The following ELP4 variants were observed in gnomAD, a reference collection of about 807,000 sequenced individuals.
ELP4 encodes the protein elongator complex protein 4.
ELP4 carries 51 observed loss-of-function variants against 48.9 expected under a neutral mutation model. The observed-to-expected ratio is 1.04, with a 90% CI of 0.83 to 1.32. The LOEUF (loss-of-function observed/expected upper bound fraction) is 1.32. ELP4 is among the 40% of genes most tolerant of loss of function. ELP4 has a pLI of 0.00. For missense variants in ELP4, 519 were observed against 514.6 expected (o/e 1.01, Z -0.08); for synonymous variants, 210 against 189.2 (o/e 1.11, Z -0.90).
chr11:31,553,725 AAC>A (rs56921821), intron 3 of ELP4, among the ~76,000 whole-genome samples: 39,654 of 140,214 alleles, frequency 0.28, 5,311 homozygotes, highest in Middle Eastern at 0.4. Flanking sequence ...TGCACACACA[AAC>A]ACACACACAC....
At chr11:31,549,876 C>CT (rs1306325966) in intron 3 of ELP4, among the ~76,000 whole-genome samples, 1 of 152,114 alleles carries the variant, frequency 6.6e-6, no homozygotes, top group East Asian at 1.9e-4. Flanking sequence ...TCTCAGTAAT[C>CT]TATCGCAAGA....
intron 3 of ELP4, among the ~76,000 whole-genome samples, chr11:31,570,632 T>C (rs1957178496): frequency 6.6e-6 from 1 of 150,480 alleles, no homozygotes; most frequent in African/African-American, 2.5e-5. Context: ...CACACCCAAC[T>C]AATTTTTGTG....
chr11:31,729,525 A>G (rs891240298), intron 9 of ELP4, among the ~76,000 whole-genome samples: 1 of 152,236 alleles, frequency 6.6e-6, no homozygotes, highest in Non-Finnish European at 1.5e-5. Context: ...AGATCTCAAA[A>G]AAACATTTTT....
At chr11:31,573,845 G>A (rs771569412) in intron 3 of ELP4, among the ~76,000 whole-genome samples, 6 of 148,590 alleles carry the variant, frequency 4.0e-5, no homozygotes, top group South Asian at 2.1e-4. Context: ...TTCAATGTAC[G>A]GACCTGAGGA....
chr11:31,591,000 G>A (rs551840348), intron 3 of ELP4, among the ~76,000 whole-genome samples: 3 of 152,216 alleles, frequency 2.0e-5, no homozygotes, highest in Admixed American at 6.6e-5. Flanking sequence ...ATCAATGGAC[G>A]CTTCCAGTGT....
At chr11:31,754,762 C>G (rs998238971) in intron 9 of ELP4, among the ~76,000 whole-genome samples, 2 of 152,112 alleles carry the variant, frequency 1.3e-5, no homozygotes, top group Admixed American at 1.3e-4. Context: ...ATCCCAGCTA[C>G]TCAGGAGGGT....
chr11:31,613,645 C>T (rs1958021921), intron 5 of ELP4, among the ~76,000 whole-genome samples: 1 of 151,448 alleles, frequency 6.6e-6, no homozygotes, highest in East Asian at 1.9e-4. Flanking sequence ...GTGGTGGATT[C>T]CGGATAAGTT....
intron 9 of ELP4, among the ~76,000 whole-genome samples, chr11:31,736,803 C>T (rs902219316): frequency 5.3e-5 from 8 of 152,010 alleles, no homozygotes; most frequent in African/African-American, 1.2e-4. Context: ...GTTAGAATGG[C>T]GGTCATTAAA....
chr11:31,697,068 C>T (rs1249827353), intron 9 of ELP4, among the ~76,000 whole-genome samples: 1 of 151,960 alleles, frequency 6.6e-6, no homozygotes, highest in African/African-American at 2.4e-5. Flanking sequence ...CAAAGAAGGC[C>T]ATTACATAAT....
intron 3 of ELP4, among the ~76,000 whole-genome samples, chr11:31,564,154 A>G (rs1957066584): frequency 6.6e-6 from 1 of 152,150 alleles, no homozygotes; most frequent in South Asian, 2.1e-4. Context: ...TAGTACTTCC[A>G]AATATAATAA....
At chr11:31,536,346 G>A (rs1489873521) in intron 2 of ELP4, among the ~76,000 whole-genome samples, 1 of 151,972 alleles carries the variant, frequency 6.6e-6, no homozygotes, top group East Asian at 1.9e-4. Context: ...AACTGTTTTT[G>A]TTTTGTTTTG....
chr11:31,781,143 C>T (rs1948364606), intron 9 of ELP4, among the ~76,000 whole-genome samples: 1 of 152,150 alleles, frequency 6.6e-6, no homozygotes, highest in African/African-American at 2.4e-5. Flanking sequence ...CTTTCAGAAT[C>T]CCTTGCTGCA....
rs1369977764 is a variant in ELP4 at position 31,672,034 on chromosome 11, G to A, written c.1143+21813G>A. Among the ~76,000 whole-genome samples, 3 of 152,010 alleles carry A rather than the reference G, an allele frequency of 2.0e-5. No homozygotes were observed. The East Asian group carries it at 5.8e-4, about 30-fold the overall frequency. On this transcript the variant is annotated intron_variant, in intron 9 of 9. Coordinates refer to ENST00000640961, the MANE Select transcript of ELP4 (RefSeq NM_019040.5). ...TAGTGTTCATTTTTGTTTTTCTGGG[G>A]GGAGCTTAGAAGGTCGATGAGGGGG...
In ELP4 at chr11:31,603,914, T is replaced by C; in HGVS notation, c.653+7T>C. On this transcript the variant is annotated splice_region_variant and intron_variant, in intron 5 of 9. Transcript: ENST00000640961. Reference sequence around the variant, plus strand: ...CTCTCAAAGTAGAACCCTGGTAAGTTAATGACCCATTTAATAACAAAATCT... The same window carrying C: ...CTCTCAAAGTAGAACCCTGGTAAGTCAATGACCCATTTAATAACAAAATCT... The C allele has an allele frequency of 6.2e-7, 1 of 1,604,374 alleles. No individual in the cohort carries two copies. The highest frequency in any genetic ancestry group is 8.5e-7 in the Non-Finnish European group (1 of 1,174,986).
intron 1 of ELP4, among the ~76,000 whole-genome samples, chr11:31,518,201 G>A (rs544894058): frequency 2.0e-5 from 3 of 151,220 alleles, no homozygotes; most frequent in African/African-American, 7.3e-5. Context: ...CCACCTTCCT[G>A]GTTCAAGCGA....
In ELP4 at chr11:31,785,682, G is replaced by T. The variant is rs1948562032; in HGVS notation, c.*2158G>T. The T allele has an allele frequency of 5.2e-6, 1 of 193,930 alleles. No homozygotes were observed. Among genetic ancestry groups the T allele is most frequent in the East Asian group, 8.2e-5 (1 of 12,262 alleles). 12.0% of individuals were successfully genotyped at this position (193,930 alleles called of 1,614,324 possible). A position where few individuals can be genotyped will look rare whatever the true frequency, so the allele number is the denominator to read the frequency against. ...CTACTGGAGAGGGGTGTGTATTTTT[G>T]TCTTCCTCTGATAAAAACGCACTCT... On this transcript the variant is annotated 3_prime_UTR_variant, in exon 10 of 10. Coordinates refer to ENST00000640961, the MANE Select transcript of ELP4 (RefSeq NM_019040.5).
intron 3 of ELP4, among the ~76,000 whole-genome samples, chr11:31,584,933 C>T (rs1035812283): frequency 1.3e-5 from 2 of 152,092 alleles, no homozygotes; most frequent in African/African-American, 4.8e-5. Flanking sequence ...AGTTAGTTCC[C>T]TTATGGTACT....
intron 3 of ELP4, among the ~76,000 whole-genome samples, chr11:31,563,649 T>C (rs928386327): frequency 3.3e-5 from 5 of 152,160 alleles, no homozygotes; most frequent in African/African-American, 1.2e-4. Context: ...TCTTTATTCA[T>C]ATTAATTTTC....
At chr11:31,534,943 T>TA (rs966205785) in intron 2 of ELP4, among the ~76,000 whole-genome samples, 3 of 152,210 alleles carry the variant, frequency 2.0e-5, no homozygotes, top group African/African-American at 7.2e-5. Context: ...TTTCCAGTGT[T>TA]ACAGCTGTAT....
Sources: gnomAD v4.1 joint callset for allele counts (sites outside exome capture counted in the v4.1 genomes callset) on GRCh38, gnomAD v4.1.1 for gene constraint, MANE v1.5 for transcripts, NCBI Gene and HGNC (gene_info 2026-07-23, HGNC 2026-07-21) for gene names.